RNF20: variants seen among roughly 807,000 people sequenced by gnomAD.
The protein encoded by RNF20 is E3 ubiquitin-protein ligase BRE1A.
A neutral mutation model predicts 126.2 loss-of-function variants in RNF20; 84 were observed. That is an observed-to-expected ratio of 0.67 (90% confidence interval 0.56 to 0.80). The LOEUF (loss-of-function observed/expected upper bound fraction) is 0.80. Among genes scored for constraint, RNF20 ranks in the 30% least tolerant of loss-of-function variants. RNF20 has a pLI of 0.00. For missense variants in RNF20, 869 were observed against 1,188.2 expected, an observed-to-expected ratio of 0.73 and a Z score of 3.95; for synonymous variants, 400 against 414.3, an observed-to-expected ratio of 0.97 and a Z score of 0.42.
intron 10 of RNF20, 89 bp from the exon 11 acceptor site, chr9:101,551,595 C>A: frequency 4.9e-6 from 3 of 617,558 alleles, no homozygotes; most frequent in East Asian, 5.7e-5. Flanking sequence ...ATAGATTGAA[C>A]TGGAAATTTT....
At chr9:101,545,779 C>G (rs1027894475) in intron 6 of RNF20, among the ~76,000 whole-genome samples, 2 of 152,174 alleles carry the variant, frequency 1.3e-5, no homozygotes, top group Non-Finnish European at 2.9e-5. Context: ...TGACTAGGTG[C>G]TACCAAGATG....
At chr9:101,550,522 C>A (rs563986372) in intron 9 of RNF20, 84 bp from the exon 10 acceptor site, 1 of 1,088,700 alleles carries the variant, frequency 9.2e-7, no homozygotes, top group Non-Finnish European at 1.4e-6. Context: ...TGTAGGACAT[C>A]AGTGAGTTCA....
rs1827368728 is a variant in RNF20, at chr9:101,547,415, C to T, written c.989C>T (p.Ala330Val). Residue 330 changes from alanine (A) to valine (V), a missense_variant, in exon 9 of 20, where the codon GCA becomes GTA. Physicochemically the swap from Ala to Val is moderately conservative, Grantham distance 64. Transcript: ENST00000389120. ...INARKFEEMNAELEENKELAQ... is the reference protein window; with the variant it reads ...INARKFEEMNVELEENKELAQ... ...TCTCTGCAGTTTGAGGAAATGAATG[C>T]AGAGCTTGAGGAGAACAAAGAGTTG... The T allele has an allele frequency of 1.2e-6, 2 of 1,613,966 alleles. No homozygotes were observed. The highest frequency in any genetic ancestry group is 1.7e-5 in the Admixed American group (1 of 59,996).
At chr9:101,546,718 C>T in intron 6 of RNF20, 102 bp from the exon 7 acceptor site, 1 of 1,180,456 alleles carries the variant, frequency 8.5e-7, no homozygotes, top group Non-Finnish European at 1.2e-6. Context: ...GAAGCATCTT[C>T]TATTTGCCTC....
chr9:101,541,194 C>T lies in RNF20; in HGVS notation c.628+219C>T, dbSNP rs1827255134. Among the ~76,000 whole-genome samples, 3 of 152,098 alleles carry T rather than the reference C, an allele frequency of 2.0e-5. 1 individual carries two copies. The South Asian group carries it at 6.2e-4, about 31-fold the overall frequency. ...CAAGCAATCTTTCTGCCTCAGCTTCCGAATAGCTAGGACTATAGGCACGTA... is the reference window on the plus strand; with the variant it reads ...CAAGCAATCTTTCTGCCTCAGCTTCTGAATAGCTAGGACTATAGGCACGTA... On this transcript the variant is annotated intron_variant, in intron 5 of 19. Coordinates refer to ENST00000389120, the MANE Select transcript of RNF20 (RefSeq NM_019592.7).
At chr9:101,554,452 A>G (rs1047828265) in intron 14 of RNF20, among the ~76,000 whole-genome samples, 3 of 152,204 alleles carry the variant, frequency 2.0e-5, no homozygotes, top group African/African-American at 4.8e-5. Context: ...GGGAACCACT[A>G]TTCTAAAGAA....
Position 101,552,419 on chromosome 9 carries a change from C to A in RNF20, c.1567C>A (p.Gln523Lys), listed in dbSNP as rs1197091214. 6.2e-7 allele frequency: 1 copy of A among 1,605,592 alleles called. No homozygotes were observed. Among genetic ancestry groups the A allele is most frequent in the African/African-American group, 1.3e-5 (1 of 74,610 alleles). The change falls in exon 13 of 20, where the codon CAG becomes AAG. Residue 523 changes from glutamine (Q) to lysine (K), a missense_variant. Gln to Lys is a moderately conservative substitution (Grantham distance 53, BLOSUM62 1). This residue lies in a region of RNF20 where 231 missense variants were observed against 263.6 expected (regional missense o/e 0.88). Transcript: ENST00000389120. The stretch of plus-strand genomic sequence containing the variant: ...TAGTGGTAGTGCCCTCCTGCAGTCC[C>A]AGTCTAGTACTGAGGACCCGAAGGA... ...LRSGSALLQS[Q>K]SSTEDPKDEP...
rs112192095 is a variant in RNF20 at position 101,553,985 on chromosome 9, T to C, written c.1902-3T>C. Reference sequence around the variant, plus strand: ...TCCCCTCCCTCTACTACGCCTGTCATAGGAAGGCACAGGAGAGCCAAAAGG... The same window carrying C: ...TCCCCTCCCTCTACTACGCCTGTCACAGGAAGGCACAGGAGAGCCAAAAGG... On this transcript the variant is annotated splice_region_variant and splice_polypyrimidine_tract_variant and intron_variant, in intron 13 of 19. Transcript: ENST00000389120. The C allele has an allele frequency of 3.9e-5, 61 of 1,569,174 alleles. No homozygotes were observed. Among genetic ancestry groups the C allele is most frequent in the Non-Finnish European group, 5.3e-5 (60 of 1,139,846 alleles).
chr9:101,545,903 T>A (rs942349318), intron 6 of RNF20, among the ~76,000 whole-genome samples: 3 of 152,212 alleles, frequency 2.0e-5, no homozygotes, highest in African/African-American at 7.2e-5. Flanking sequence ...TGGCTGTTGA[T>A]GCTGCCTGTC....
chr9:101,542,101 C>T (rs1827268196), intron 5 of RNF20, among the ~76,000 whole-genome samples: 1 of 152,074 alleles, frequency 6.6e-6, no homozygotes, highest in Admixed American at 6.6e-5. Context: ...GGAGGTTGAA[C>T]CATTGGATGA....
chr9:101,544,078 A>G (rs1322898113), intron 5 of RNF20, among the ~76,000 whole-genome samples: 3 of 152,166 alleles, frequency 2.0e-5, no homozygotes, highest in African/African-American at 7.2e-5. Flanking sequence ...TCCTGAGAGT[A>G]TCTGGTTTCA....
intron 2 of RNF20, among the ~76,000 whole-genome samples, chr9:101,538,106 T>C (rs531762614): frequency 1.3e-5 from 2 of 152,224 alleles, no homozygotes; most frequent in Middle Eastern, 3.4e-3. Context: ...GTAAGGAAAC[T>C]GGAGAGAGTG....
Position 101,553,881 on chromosome 9 carries a change from T to A in RNF20, c.1902-107T>A, listed in dbSNP as rs56316600. On this transcript the variant is annotated intron_variant, in intron 13 of 19. Transcript: ENST00000389120. The stretch of plus-strand genomic sequence containing the variant: ...TATCTTTTAGGTGTGATATGAAATG[T>A]AAAATGAAACTGTTTTAAAATATTC... The A allele has an allele frequency of 6.5e-4, 402 of 620,494 alleles. 4 individuals carry two copies. In the African/African-American group the frequency reaches 6.7e-3, roughly 10 times the overall value. The allele number at this position is 620,494 out of a possible 1,614,324, so 38.4% of individuals were successfully genotyped here.
At chr9:101,549,451 C>T (rs1827406450) in intron 9 of RNF20, among the ~76,000 whole-genome samples, 1 of 152,172 alleles carries the variant, frequency 6.6e-6, no homozygotes, top group Admixed American at 6.5e-5. Context: ...CAGGATGGAA[C>T]ATGAAGGCGG....
At chr9:101,534,999 C>T (rs1001903217) in intron 1 of RNF20, among the ~76,000 whole-genome samples, 1 of 151,700 alleles carries the variant, frequency 6.6e-6, no homozygotes, top group African/African-American at 2.4e-5. Context: ...GCTCCGCCTC[C>T]CGGGTTCAAG....
chr9:101,546,460 T>C (rs1291121666), intron 6 of RNF20, among the ~76,000 whole-genome samples: 1 of 152,130 alleles, frequency 6.6e-6, no homozygotes, highest in Admixed American at 6.5e-5. Context: ...TGAAAAAATA[T>C]TTATCTTACA....
At chr9:101,551,877 CAA>C in intron 11 of RNF20, 58 bp downstream of exon 11, 2 of 1,526,652 alleles carry the variant, frequency 1.3e-6, no homozygotes, top group South Asian at 1.3e-5. Flanking sequence ...TTGAAAGATA[CAA>C]CACAGACCCC....
In RNF20 at chr9:101,547,171, G is replaced by C; in HGVS notation, c.929G>C (p.Gly310Ala). 1 of 1,614,094 alleles carries C rather than the reference G, an allele frequency of 6.2e-7. No individual in the cohort carries two copies. The highest frequency in any genetic ancestry group is 8.5e-7 in the Non-Finnish European group (1 of 1,179,990). Residue 310 changes from glycine (G) to alanine (A), a missense_variant, in exon 8 of 20, where the codon GGG becomes GCG. This residue lies in a region of RNF20 where 153 missense variants were observed against 226.4 expected (regional missense o/e 0.68). Transcript: ENST00000389120. ...AAAGGTTATAAGGTGTATGGAGCGGGGAGCAGTCTGTATGGCGGCACAATC... is the reference window on the plus strand; with the variant it reads ...AAAGGTTATAAGGTGTATGGAGCGGCGAGCAGTCTGTATGGCGGCACAATC... ...NSKGYKVYGA[G>A]SSLYGGTITI...
intron 13 of RNF20, among the ~76,000 whole-genome samples, chr9:101,553,456 T>C (rs1438619658): frequency 7.9e-5 from 12 of 152,238 alleles, no homozygotes; most frequent in Admixed American, 7.9e-4. Context: ...TTTAGTAATT[T>C]AATAAGAGGT....
Sources: gnomAD v4.1 joint callset for allele counts (sites outside exome capture counted in the v4.1 genomes callset) on GRCh38, gnomAD v4.1.1 for gene constraint, gnomAD v4.1.1 regional missense constraint, MANE v1.5 for transcripts, NCBI Gene and HGNC (gene_info 2026-07-23, HGNC 2026-07-21) for gene names.